The following BACE2 variants were observed in gnomAD, a reference collection of about 807,000 sequenced individuals.
BACE2 encodes the protein beta-secretase 2.
In BACE2, 17 loss-of-function variants were observed where a neutral mutation model predicts 46.2. The ratio of observed to expected loss-of-function variants is 0.37; its 90% CI spans 0.25 to 0.55. The LOEUF is 0.55. Among genes scored for constraint, BACE2 ranks in the 20% least tolerant of loss-of-function variants. BACE2 has a pLI of 0.82. For missense variants in BACE2, 595 were observed against 698.1 expected, an observed-to-expected ratio of 0.85 and a Z score of 1.66; for synonymous variants, 277 against 295.9, an observed-to-expected ratio of 0.94 and a Z score of 0.66.
At chr21:41,208,657 G>GC (rs1986205796) in intron 1 of BACE2, among the ~76,000 whole-genome samples, 1 of 152,154 alleles carries the variant, frequency 6.6e-6, no homozygotes, top group Non-Finnish European at 1.5e-5. Context: ...GGGCAGGATG[G>GC]CAGGGGTACA....
intron 7 of BACE2, among the ~76,000 whole-genome samples, chr21:41,252,234 T>A (rs939511788): frequency 3.3e-5 from 5 of 152,168 alleles, no homozygotes; most frequent in African/African-American, 1.2e-4. Flanking sequence ...TCCTAGTTCC[T>A]CAGTGTTTTC....
At chr21:41,269,740 C>T (rs568582821) in intron 8 of BACE2, among the ~76,000 whole-genome samples, 62 of 152,282 alleles carry the variant, frequency 4.1e-4, no homozygotes, top group Non-Finnish European at 8.2e-4. Context: ...TGTTGATGAA[C>T]TTTTGGATTG....
chr21:41,203,928 T>G (rs1472882609), intron 1 of BACE2, among the ~76,000 whole-genome samples: 3 of 151,726 alleles, frequency 2.0e-5, no homozygotes, highest in African/African-American at 7.3e-5. Flanking sequence ...TTTTGGGGGG[T>G]GGTGGCCCCA....
chr21:41,256,102 C>T (rs1987780689), intron 7 of BACE2, among the ~76,000 whole-genome samples: 1 of 149,626 alleles, frequency 6.7e-6, no homozygotes. Flanking sequence ...TTGTTTAATA[C>T]ATATATACTT....
intron 1 of BACE2, among the ~76,000 whole-genome samples, chr21:41,185,724 A>G (rs1304857585): frequency 6.6e-6 from 1 of 152,204 alleles, no homozygotes; most frequent in Non-Finnish European, 1.5e-5. Flanking sequence ...CGTTTCAGCC[A>G]ACAAGGATGC....
At chr21:41,200,134 A>G (rs369083765) in intron 1 of BACE2, among the ~76,000 whole-genome samples, 1 of 151,844 alleles carries the variant, frequency 6.6e-6, no homozygotes, top group African/African-American at 2.4e-5. Flanking sequence ...GCACATGTAT[A>G]CATATGTAAC....
At chr21:41,177,793 C>G (rs1984913980) in intron 1 of BACE2, 1 of 152,224 alleles carries the variant, frequency 6.6e-6, no homozygotes, top group Non-Finnish European at 1.5e-5. Flanking sequence ...GAACTAGATG[C>G]CCAACAATCT....
In BACE2 at chr21:41,243,412, G is replaced by A; in HGVS notation, c.784G>A (p.Asp262Asn). The change falls in exon 5 of 9, where the codon GAC becomes AAC. Residue 262 changes from aspartate to asparagine, a missense_variant. Asp to Asn is a conservative substitution (Grantham distance 23). Transcript: ENST00000330333. ...AATTGAACCAAGTTTGTATAAAGGA[G>A]ACATCTGGTATACCCCTATTAAGGA... ...GGIEPSLYKGDIWYTPIKEEW... is the reference protein window; with the variant it reads ...GGIEPSLYKGNIWYTPIKEEW... 6.2e-7 allele frequency: 1 copy of A among 1,610,020 alleles called. No individual in the cohort carries two copies. The highest frequency in any genetic ancestry group is 8.5e-7 in the Non-Finnish European group (1 of 1,178,672).
chr21:41,192,739 G>T (rs1985616621), intron 1 of BACE2, among the ~76,000 whole-genome samples: 1 of 152,236 alleles, frequency 6.6e-6, no homozygotes, highest in Non-Finnish European at 1.5e-5. Flanking sequence ...TGGACCTGTT[G>T]CAGAGCCTTC....
rs1237766948 is a variant in BACE2, at chr21:41,277,206, C to T, written c.*1582C>T. ...GGATGTTTCAGCCATCTGCTCTGCT[C>T]CCTGGGTCCCCGGGTCACCACCATA... On this transcript the variant is annotated 3_prime_UTR_variant, in exon 9 of 9. Coordinates refer to ENST00000330333, the MANE Select transcript of BACE2 (RefSeq NM_012105.5). 1.3e-5 allele frequency: 2 copies of T among 152,080 alleles called. No homozygotes were observed. Among genetic ancestry groups the T allele is most frequent in the East Asian group, 1.9e-4 (1 of 5,170 alleles). The allele number at this position is 152,080 out of a possible 1,614,324, so 9.4% of individuals were successfully genotyped here. A position where few individuals can be genotyped will look rare whatever the true frequency, so the allele number is the denominator to read the frequency against.
At chr21:41,264,211 G>T (rs1417882128) in intron 8 of BACE2, among the ~76,000 whole-genome samples, 2 of 150,838 alleles carry the variant, frequency 1.3e-5, no homozygotes, top group Admixed American at 6.6e-5. Context: ...TTGGTTTGGG[G>T]GTCTTTTTTT....
chr21:41,241,036 G>C (rs1441821717), intron 3 of BACE2, among the ~76,000 whole-genome samples: 1 of 152,130 alleles, frequency 6.6e-6, no homozygotes, highest in African/African-American at 2.4e-5. Context: ...AGTTGTCAAA[G>C]CCAAAATCTA....
At chr21:41,234,019 T>A (rs1987040128) in intron 2 of BACE2, among the ~76,000 whole-genome samples, 1 of 152,202 alleles carries the variant, frequency 6.6e-6, no homozygotes. Context: ...GTGACCCCAC[T>A]CAAATCTCAT....
At chr21:41,246,210 ATAG>A (rs2123609768) in intron 6 of BACE2, 147 bp downstream of exon 6, 1 of 467,556 alleles carries the variant, frequency 2.1e-6, no homozygotes, top group African/African-American at 2.0e-5. Flanking sequence ...TTTATATGTA[ATAG>A]TATAGGTGTA....
chr21:41,207,429 G>A (rs187442717), intron 1 of BACE2, among the ~76,000 whole-genome samples: 1 of 152,218 alleles, frequency 6.6e-6, no homozygotes, highest in African/African-American at 2.4e-5. Flanking sequence ...GTTTTCACTG[G>A]CATCAGTGAA....
chr21:41,179,366 AG>A, intron 1 of BACE2: 1 of 1,308,110 alleles, frequency 7.6e-7, no homozygotes, highest in Non-Finnish European at 1.0e-6. Context: ...GAGGGTGTCC[AG>A]GGTGAGGAGT....
chr21:41,218,436 A>C (rs1986541170), intron 1 of BACE2, among the ~76,000 whole-genome samples: 1 of 152,206 alleles, frequency 6.6e-6, no homozygotes, highest in South Asian at 2.1e-4. Context: ...GATGGTGTCC[A>C]ACTTTGGGTG....
intron 1 of BACE2, among the ~76,000 whole-genome samples, chr21:41,210,897 A>G (rs1446971454): frequency 6.6e-6 from 1 of 152,128 alleles, no homozygotes; most frequent in Non-Finnish European, 1.5e-5. Context: ...AAACTGCTGA[A>G]TATGTATGTT....
intron 1 of BACE2, 70 bp from the exon 2 acceptor site, chr21:41,226,196 A>G (rs978045989): frequency 2.5e-6 from 3 of 1,192,490 alleles, no homozygotes; most frequent in Non-Finnish European, 3.7e-6. Context: ...TAAAAACATT[A>G]TTCAAGAGTA....
Sources: gnomAD v4.1 joint callset for allele counts (sites outside exome capture counted in the v4.1 genomes callset) on GRCh38, gnomAD v4.1.1 for gene constraint, MANE v1.5 for transcripts, NCBI Gene and HGNC (gene_info 2026-07-23, HGNC 2026-07-21) for gene names.